Variants in APOL4 observed in about 807,000 individuals in gnomAD.
APOL4 encodes the protein apolipoprotein L4.
Under a neutral mutation model 12.1 loss-of-function variants are expected in APOL4, and 14 were observed. That is an observed-to-expected ratio of 1.16 (90% CI 0.76 to 1.81). The LOEUF (loss-of-function observed/expected upper bound fraction) is 1.81. APOL4 is among the 40% of genes most tolerant of loss of function. The pLI is 0.00. For synonymous variants in APOL4, 171 were observed against 160.6 expected, an observed-to-expected ratio of 1.06 and a Z score of -0.49; for missense variants, 432 against 423.1, an observed-to-expected ratio of 1.02 and a Z score of -0.18.
At chr22:36,193,492 T>C (rs1308702051) in intron 3 of APOL4, among the ~76,000 whole-genome samples, 1 of 152,232 alleles carries the variant, frequency 6.6e-6, no homozygotes, top group Non-Finnish European at 1.5e-5. Context: ...CTCTGCCCTG[T>C]ATGTCTCTTC....
chr22:36,200,616 C>G (rs59509279), intron 1 of APOL4, among the ~76,000 whole-genome samples: 2 of 152,338 alleles, frequency 1.3e-5, no homozygotes, highest in East Asian at 3.9e-4. Flanking sequence ...CCCTCCTTCA[C>G]GTAAAACTGC....
chr22:36,189,194 A>G lies in APOL4; in HGVS notation c.*1881T>C, dbSNP rs12781. ...CTCAGCAAGACAGCTCGAGAGATCCAGCCTCCCCCAATGTCTAAACTGCTT... is the reference window on the plus strand; with the variant it reads ...CTCAGCAAGACAGCTCGAGAGATCCGGCCTCCCCCAATGTCTAAACTGCTT... On this transcript the variant is annotated 3_prime_UTR_variant, in exon 4 of 4. Transcript: ENST00000683024. The G allele has an allele frequency of 0.59, 89,517 of 152,050 alleles. 27,539 individuals are homozygous for G. The highest frequency in any genetic ancestry group is 0.82 in the East Asian group (4,226 of 5,168). The allele number at this position is 152,050 out of a possible 1,614,324, so 9.4% of individuals were successfully genotyped here.
chr22:36,204,394 A>G (rs1197505335), upstream of APOL4, among the ~76,000 whole-genome samples: 3 of 152,144 alleles, frequency 2.0e-5, no homozygotes. Context: ...AGCTTTGTGA[A>G]CCCATCTGAG....
chr22:36,204,233 T>C (rs1350560628), upstream of APOL4, among the ~76,000 whole-genome samples: 1 of 152,116 alleles, frequency 6.6e-6, no homozygotes, highest in Non-Finnish European at 1.5e-5. Flanking sequence ...GGCCAGACCA[T>C]AAGGACAGAC....
chr22:36,191,508 G>C lies in APOL4; in HGVS notation c.614C>G (p.Thr205Ser). 6 of 1,614,086 alleles carry C rather than the reference G, an allele frequency of 3.7e-6. No homozygotes were observed. Among genetic ancestry groups the C allele is most frequent in the Non-Finnish European group, 5.1e-6 (6 of 1,179,908 alleles). The stretch of plus-strand genomic sequence containing the variant: ...CTCCAATTGGTCAGTGCTGGTTGCA[G>C]TCAGCCTGCTGGCTGTGAGTTCTGC... ...RSAELTASRLTATSTDQLEAL... is the reference protein window; with the variant it reads ...RSAELTASRLSATSTDQLEAL... Residue 205 changes from threonine to serine, a missense_variant, in exon 4 of 4, where the codon ACT (threonine) becomes AGT (serine). Transcript: ENST00000683024.
In APOL4 at chr22:36,200,900, G is replaced by A. The variant is rs142376212; in HGVS notation, c.35+800C>T. Among the ~76,000 whole-genome samples, 829 of 152,284 alleles carry A rather than the reference G, an allele frequency of 5.4e-3. 14 individuals carry two copies. Among genetic ancestry groups the A allele is most frequent in the East Asian group, 0.047 (246 of 5,186 alleles). ...CCAATTAGTACAAACTTTAAGGCAC[G>A]AAGGTAGCAGTTGAGATGTGAAGCA... On this transcript the variant is annotated intron_variant, in intron 1 of 3. Coordinates refer to ENST00000683024, the MANE Select transcript of APOL4 (RefSeq NM_001386885.1).
At chr22:36,193,848 C>T (rs2014329973) in intron 3 of APOL4, among the ~76,000 whole-genome samples, 1 of 152,192 alleles carries the variant, frequency 6.6e-6, no homozygotes, top group South Asian at 2.1e-4. Context: ...GTCCTGGCTG[C>T]ACACAAACTC....
At chr22:36,195,283 C>T (rs750400924) in intron 3 of APOL4, 28 bp downstream of exon 3, 3 of 1,606,650 alleles carry the variant, frequency 1.9e-6, no homozygotes, top group South Asian at 2.2e-5. Context: ...ACCGGGGTGC[C>T]CCAAGGAGGT....
upstream of APOL4, among the ~76,000 whole-genome samples, chr22:36,203,226 T>C (rs1044081257): frequency 6.6e-6 from 1 of 152,134 alleles, no homozygotes; most frequent in Non-Finnish European, 1.5e-5. Context: ...TGAGAAATAA[T>C]AGACACACAC....
chr22:36,203,479 T>C (rs921214841), upstream of APOL4, among the ~76,000 whole-genome samples: 4 of 152,192 alleles, frequency 2.6e-5, no homozygotes, highest in African/African-American at 9.7e-5. Flanking sequence ...GAATTTACAA[T>C]ATAGTGTGTG....
intron 2 of APOL4, among the ~76,000 whole-genome samples, chr22:36,199,101 A>T (rs2014494252): frequency 6.6e-6 from 1 of 152,202 alleles, no homozygotes; most frequent in Non-Finnish European, 1.5e-5. Flanking sequence ...CACCTGGGCC[A>T]TGACCCGCTG....
intron 2 of APOL4, among the ~76,000 whole-genome samples, chr22:36,195,766 TCTC>T (rs767460056): frequency 1.0e-3 from 115 of 115,088 alleles, no homozygotes; most frequent in African/African-American, 3.0e-3. Context: ...TCTCTCTCTC[TCTC>T]TCTCTCTCAC....
upstream of APOL4, among the ~76,000 whole-genome samples, chr22:36,202,448 C>T (rs1001392323): frequency 5.3e-5 from 8 of 152,168 alleles, no homozygotes; most frequent in Non-Finnish European, 1.2e-4. Flanking sequence ...AAAAATCAGG[C>T]CGGGAGCGGT....
At chr22:36,197,981 C>G (rs938605468) in intron 2 of APOL4, 14 of 1,262,476 alleles carry the variant, frequency 1.1e-5, no homozygotes, top group Non-Finnish European at 1.1e-5. Context: ...AACAAAACTG[C>G]GTGGCCCCCC....
Position 36,191,426 on chromosome 22 carries a change from A to G in APOL4, c.696T>C (p.Asp232=). The G allele has an allele frequency of 6.2e-7, 1 of 1,614,076 alleles. No individual in the cohort carries two copies. Among genetic ancestry groups the G allele is most frequent in the Non-Finnish European group, 8.5e-7 (1 of 1,179,898 alleles). The stretch of plus-strand genomic sequence containing the variant: ...CAATCATTTTTGTGGCTTCGTCAAA[A>G]TCAAGTGCAAAAGAAAGCACATTGG... The part of the protein sequence containing the change: ...ITPNVLSFAL[D]FDEATKMIAN... The change falls in exon 4 of 4, where the codon GAT becomes GAC. Residue 232 remains aspartate, a synonymous_variant. Transcript: ENST00000683024.
Position 36,191,813 on chromosome 22 carries a change from C to A in APOL4, c.309G>T (p.Glu103Asp). 6.2e-7 allele frequency: 1 copy of A among 1,613,984 alleles called. No homozygotes were observed. Among genetic ancestry groups the A allele is most frequent in the Non-Finnish European group, 8.5e-7 (1 of 1,179,896 alleles). The change falls in exon 4 of 4, where the codon GAG becomes GAT. Residue 103 changes from glutamate (E) to aspartate (D), a missense_variant. Physicochemically the swap from Glu to Asp is conservative, Grantham distance 45 (BLOSUM62 2). Coordinates refer to ENST00000683024, the MANE Select transcript of APOL4 (RefSeq NM_001386885.1). ...DMQQKEQQFR[E>D]WFLKEFPQIR... ...TTTGAGGAAACTCTTTCAAAAACCA[C>A]TCCCTAAACTGCTGTTCTTTTTGCT...
chr22:36,191,329 G>C lies in APOL4; in HGVS notation c.793C>G (p.Pro265Ala), dbSNP rs368529546. ...GRPLIAWRYV[P>A]INVVETLRTR... ...CTCAGTGTCTCAACAACATTTATAG[G>C]TACATATCGCCAAGCAATCAAAGGG... Residue 265 changes from proline to alanine, a missense_variant, in exon 4 of 4, where the codon CCT (proline) becomes GCT (alanine). By Grantham distance (27) the Pro-to-Ala change is conservative. Coordinates refer to ENST00000683024, the MANE Select transcript of APOL4 (RefSeq NM_001386885.1). 1.4e-5 allele frequency: 22 copies of C among 1,613,934 alleles called. No individual in the cohort carries two copies. The highest frequency in any genetic ancestry group is 1.8e-5 in the Non-Finnish European group (21 of 1,179,910).
Position 36,195,292 on chromosome 22 carries a change from G to T in APOL4, c.209+19C>A, listed in dbSNP as rs755900170. 6.2e-7 allele frequency: 1 copy of T among 1,611,762 alleles called. No homozygotes were observed. The highest frequency in any genetic ancestry group is 8.5e-7 in the Non-Finnish European group (1 of 1,178,738). ...GGCATCACCGGGGTGCCCCAAGGAGGTAACCCCATGGAGGTTACCTGGGCA... is the reference window on the plus strand; with the variant it reads ...GGCATCACCGGGGTGCCCCAAGGAGTTAACCCCATGGAGGTTACCTGGGCA... On this transcript the variant is annotated intron_variant, in intron 3 of 3. Transcript: ENST00000683024.
rs527370887 is a variant in APOL4, at chr22:36,195,329, C to T, written c.191G>A (p.Arg64His). ...AGGTTACCTGGGCAATTCAGCCACA[C>T]GCACAAATCTCTTCCAGGCTTCATC... ...TSDEAWKRFVRVAELPREEAD... is the reference protein window; with the variant it reads ...TSDEAWKRFVHVAELPREEAD... Residue 64 changes from arginine to histidine, a missense_variant, in exon 3 of 4, where the codon CGT becomes CAT. Transcript: ENST00000683024. The T allele has an allele frequency of 2.0e-5, 33 of 1,613,924 alleles. 1 individual carries two copies. The highest frequency in any genetic ancestry group is 8.8e-5 in the South Asian group (8 of 91,078).
Sources: gnomAD v4.1 joint callset for allele counts (sites outside exome capture counted in the v4.1 genomes callset) on GRCh38, gnomAD v4.1.1 for gene constraint, MANE v1.5 for transcripts, NCBI Gene and HGNC (gene_info 2026-07-23, HGNC 2026-07-21) for gene names.